IL17RD: variants seen among roughly 807,000 people sequenced by gnomAD.
IL17RD encodes interleukin 17 receptor D, also known as interleukin-17 receptor D.
A neutral mutation model predicts 80.5 loss-of-function variants in IL17RD; 52 were observed. The observed-to-expected ratio is 0.65, with a 90% CI of 0.52 to 0.81. The LOEUF (loss-of-function observed/expected upper bound fraction) is 0.81, where lower values mean the gene tolerates loss of function less well. Among genes scored for constraint, IL17RD ranks in the 40% least tolerant of loss-of-function variants. The pLI is 0.00. For synonymous variants in IL17RD, 416 were observed against 391.8 expected (o/e 1.06, Z -0.73); for missense variants, 1,024 against 955.1 (o/e 1.07, Z -0.95).
intron 12 of IL17RD, 51 bp from the exon 13 acceptor site, chr3:57,096,556 C>A: frequency 7.9e-7 from 1 of 1,268,352 alleles, no homozygotes; most frequent in Non-Finnish European, 1.2e-6. Context: ...TTTCACTGGG[C>A]TGGGCAGGTG....
chr3:57,133,845 A>G (rs1707664147), intron 1 of IL17RD, among the ~76,000 whole-genome samples: 1 of 152,208 alleles, frequency 6.6e-6, no homozygotes, highest in South Asian at 2.1e-4. Flanking sequence ...AGGCAAGTAA[A>G]TGGCACATAC....
chr3:57,105,543 A>AT (rs1315603751), intron 7 of IL17RD, among the ~76,000 whole-genome samples: 1 of 106,530 alleles, frequency 9.4e-6, no homozygotes, highest in Non-Finnish European at 1.8e-5. Flanking sequence ...TCTCAAAAAA[A>AT]AAAAAAAAAA....
chr3:57,137,070 C>G (rs889534248), intron 1 of IL17RD, among the ~76,000 whole-genome samples: 5 of 152,182 alleles, frequency 3.3e-5, no homozygotes, highest in Non-Finnish European at 5.9e-5. Flanking sequence ...AAGTTTATTT[C>G]AAGCAAACAC....
intron 3 of IL17RD, among the ~76,000 whole-genome samples, chr3:57,113,654 T>C (rs898326070): frequency 1.3e-5 from 2 of 152,166 alleles, no homozygotes; most frequent in South Asian, 4.1e-4. Context: ...TCCTCCTGCC[T>C]CGGCCGTCCA....
chr3:57,168,804 C>T (rs1006132989), upstream of IL17RD, among the ~76,000 whole-genome samples: 2 of 152,176 alleles, frequency 1.3e-5, no homozygotes, highest in African/African-American at 4.8e-5. Context: ...GCAACCTCCA[C>T]CTCCCAGGTT....
At chr3:57,120,518 G>A (rs1379161232) in intron 1 of IL17RD, among the ~76,000 whole-genome samples, 1 of 152,224 alleles carries the variant, frequency 6.6e-6, no homozygotes, top group African/African-American at 2.4e-5. Flanking sequence ...TAACTGCCAG[G>A]CCATAGGGAT....
chr3:57,127,286 AT>A lies in IL17RD; in HGVS notation c.127-6974del, dbSNP rs1157823721. Among the ~76,000 whole-genome samples the A allele has an allele frequency of 2.7e-3, 225 of 81,926 alleles. 9 individuals are homozygous for A. Among genetic ancestry groups the A allele is most frequent in the African/African-American group, 0.014 (207 of 14,316 alleles). The allele number at this position is 81,926 out of a possible 152,430, so 53.7% of individuals were successfully genotyped here. A position where few individuals can be genotyped will look rare whatever the true frequency, so the allele number is the denominator to read the frequency against. ...TAAATATATATAAAAATATATATAA[AT>A]ATATATAAATATATATAAAAATATA... is the stretch of plus-strand genomic sequence containing the variant. On this transcript the variant is annotated intron_variant, in intron 1 of 12. Transcript: ENST00000296318.
In IL17RD at chr3:57,104,526, A is replaced by T. The variant is rs1579263270; in HGVS notation, c.748-119T>A. On this transcript the variant is annotated intron_variant, in intron 7 of 12. Transcript: ENST00000296318. ...CCAGTCTCAACCACAGTTTTCAGAA[A>T]ATGTGATTAGATCGAAAAGCAACTG... 10 of 670,452 alleles carry T rather than the reference A, an allele frequency of 1.5e-5. No homozygotes were observed. The East Asian group carries it at 2.5e-4, about 16-fold the overall frequency. The allele number at this position is 670,452 out of a possible 1,614,324, so 41.5% of individuals were successfully genotyped here.
chr3:57,150,018 T>A (rs977411846), intron 1 of IL17RD, among the ~76,000 whole-genome samples: 1 of 152,156 alleles, frequency 6.6e-6, no homozygotes, highest in African/African-American at 2.4e-5. Context: ...CCCAAAAAAT[T>A]CCCTTGTACT....
chr3:57,160,806 A>G (rs573570330), intron 1 of IL17RD, among the ~76,000 whole-genome samples: 2 of 152,374 alleles, frequency 1.3e-5, no homozygotes, highest in East Asian at 3.9e-4. Flanking sequence ...TCCTCAAAAG[A>G]ATTTGTTAAA....
chr3:57,135,389 T>C (rs1707704873), intron 1 of IL17RD, among the ~76,000 whole-genome samples: 1 of 152,236 alleles, frequency 6.6e-6, no homozygotes, highest in South Asian at 2.1e-4. Flanking sequence ...TGCTCAATGA[T>C]TCTCAGAGAT....
intron 2 of IL17RD, among the ~76,000 whole-genome samples, chr3:57,119,081 G>A (rs111652293): frequency 5.8e-4 from 88 of 151,258 alleles, no homozygotes; most frequent in African/African-American, 1.6e-3. Context: ...GGCCGGGCGC[G>A]GTGGCTCACT....
At chr3:57,158,235 G>A (rs975172443) in intron 1 of IL17RD, among the ~76,000 whole-genome samples, 2 of 152,064 alleles carry the variant, frequency 1.3e-5, no homozygotes, top group Non-Finnish European at 1.5e-5. Flanking sequence ...CATGATTAAC[G>A]TCTATTAGAT....
At position 57,160,533 on chromosome 3, in the gene IL17RD, CCCAGG is replaced by C. The variant is rs1439474474; in HGVS notation, c.126+4623_126+4627del. ...CTTCACTCCAGGCCTCCTCATCTGC[CCCAGG>C]CCAGAGGCACCCATCCAAACTAGCT... On this transcript the variant is annotated intron_variant, in intron 1 of 12. Coordinates refer to ENST00000296318, the MANE Select transcript of IL17RD (RefSeq NM_017563.5). 2.6e-5 allele frequency among the ~76,000 whole-genome samples: 4 copies of C among 152,102 alleles called. No homozygotes were observed. In the East Asian group the frequency reaches 7.8e-4, roughly 30 times the overall value.
intron 1 of IL17RD, among the ~76,000 whole-genome samples, chr3:57,122,450 G>T (rs1249347546): frequency 6.6e-6 from 1 of 152,224 alleles, no homozygotes; most frequent in African/African-American, 2.4e-5. Context: ...TGGGCAGTGG[G>T]AGAGCATTAC....
At chr3:57,120,361 T>G in intron 1 of IL17RD, 48 bp from the exon 2 acceptor site, 5 of 1,416,240 alleles carry the variant, frequency 3.5e-6, no homozygotes, top group Non-Finnish European at 4.0e-6. Flanking sequence ...CAATTTGCTC[T>G]TCCAACACAA....
At chr3:57,129,489 C>T (rs973602996) in intron 1 of IL17RD, among the ~76,000 whole-genome samples, 1 of 152,166 alleles carries the variant, frequency 6.6e-6, no homozygotes, top group African/African-American at 2.4e-5. Context: ...ACTTCAAATA[C>T]CACTGTTTCC....
At chr3:57,127,377 TAAATAAATAAATAA>T (rs1707512546) in intron 1 of IL17RD, among the ~76,000 whole-genome samples, 1 of 94,350 alleles carries the variant, frequency 1.1e-5, no homozygotes, top group African/African-American at 4.8e-5. Flanking sequence ...TATATATATA[TAAATAAATAAATAA>T]ATAAATATAT....
chr3:57,093,695 C>G lies in IL17RD; in HGVS notation c.*2698G>C, dbSNP rs1706607933. 1 of 152,188 alleles carries G rather than the reference C, an allele frequency of 6.6e-6. No homozygotes were observed. Among genetic ancestry groups the G allele is most frequent in the Non-Finnish European group, 1.5e-5 (1 of 68,044 alleles). 9.4% of individuals were successfully genotyped at this position (152,188 alleles called of 1,614,324 possible). A position where few individuals can be genotyped will look rare whatever the true frequency, so the allele number is the denominator to read the frequency against. On this transcript the variant is annotated 3_prime_UTR_variant, in exon 13 of 13. Transcript: ENST00000296318. The stretch of plus-strand genomic sequence containing the variant: ...CAGCCCTCTGGAGGAGCTTTGGCAC[C>G]TTGTATGGCTGGGCTGAGTCTGTTG...
Sources: gnomAD v4.1 joint callset for allele counts (sites outside exome capture counted in the v4.1 genomes callset) on GRCh38, gnomAD v4.1.1 for gene constraint, MANE v1.5 for transcripts, NCBI Gene and HGNC (gene_info 2026-07-23, HGNC 2026-07-21) for gene names.